The following DENND4C variants were observed in gnomAD, a reference collection of about 807,000 sequenced individuals.
The protein encoded by DENND4C is DENN domain-containing protein 4C.
A neutral mutation model predicts 203.0 loss-of-function variants in DENND4C; 108 were observed. The ratio of observed to expected loss-of-function variants is 0.53; its 90% CI spans 0.46 to 0.62. DENND4C has a LOEUF of 0.62. DENND4C is among the 20% of genes least tolerant of loss of function. The pLI, the probability that DENND4C is intolerant of heterozygous loss-of-function variation, is 0.00. For missense variants in DENND4C, 2,481 were observed against 2,301.2 expected (o/e 1.08, Z -1.60); for synonymous variants, 871 against 792.4 (o/e 1.10, Z -1.67).
chr9:19,286,206 C>T (rs1374740498), intron 2 of DENND4C, among the ~76,000 whole-genome samples: 1 of 152,036 alleles, frequency 6.6e-6, no homozygotes, highest in Non-Finnish European at 1.5e-5. Context: ...TTTCATTAAT[C>T]AAATTGAAGA....
At chr9:19,343,292 C>G (rs1822074805) in intron 22 of DENND4C, among the ~76,000 whole-genome samples, 1 of 152,180 alleles carries the variant, frequency 6.6e-6, no homozygotes, top group Non-Finnish European at 1.5e-5. Flanking sequence ...TACTAAATAA[C>G]TCTGTGTGTA....
At position 19,300,219 on chromosome 9, in the gene DENND4C, TG is replaced by T; in HGVS notation, c.1202del (p.Gly401ValfsTer28). 6.2e-7 allele frequency: 1 copy of T among 1,612,038 alleles called. No individual in the cohort carries two copies. Among genetic ancestry groups the T allele is most frequent in the Non-Finnish European group, 8.5e-7 (1 of 1,178,444 alleles). On this transcript the variant is annotated frameshift_variant, in exon 9 of 33. Transcript: ENST00000434457. LOFTEE classifies it high-confidence loss of function. Reference sequence around the variant, plus strand: ...AACTTTAGCACCTTGCTAATGAATCTGGGTCCTGAGAATTGTGCAACACTGC... The same window carrying T: ...AACTTTAGCACCTTGCTAATGAATCTGGTCCTGAGAATTGTGCAACACTGC... ...GANFSTLLMN[L>X]GPENCATLLL...
intron 29 of DENND4C, among the ~76,000 whole-genome samples, chr9:19,361,076 G>C (rs1288664501): frequency 6.6e-6 from 1 of 152,058 alleles, no homozygotes; most frequent in East Asian, 1.9e-4. Context: ...ATTTTACCAG[G>C]CTGGTTTGAA....
chr9:19,348,967 C>A (rs1389485374), intron 23 of DENND4C, among the ~76,000 whole-genome samples: 3 of 152,102 alleles, frequency 2.0e-5, no homozygotes, highest in Non-Finnish European at 4.4e-5. Context: ...CCCACCATGA[C>A]TGCTAATATT....
At chr9:19,288,226 C>T (rs2131123038) in intron 3 of DENND4C, among the ~76,000 whole-genome samples, 1 of 152,338 alleles carries the variant, frequency 6.6e-6, no homozygotes, top group Middle Eastern at 3.4e-3. Flanking sequence ...TTAGTGAAGA[C>T]AGGGTTGCCT....
intron 10 of DENND4C, among the ~76,000 whole-genome samples, chr9:19,313,216 C>CT (rs35967287): frequency 6.6e-6 from 1 of 151,946 alleles, no homozygotes; most frequent in Non-Finnish European, 1.5e-5. Flanking sequence ...ATATTTTACT[C>CT]TTTTTTTAAG....
chr9:19,312,746 G>T (rs1185765169), intron 10 of DENND4C, among the ~76,000 whole-genome samples: 1 of 152,104 alleles, frequency 6.6e-6, no homozygotes, highest in East Asian at 1.9e-4. Context: ...TGTTATGAGG[G>T]ACACTCAAGT....
chr9:19,298,716 T>C (rs906279291), intron 7 of DENND4C, among the ~76,000 whole-genome samples: 9 of 152,154 alleles, frequency 5.9e-5, no homozygotes, highest in African/African-American at 2.2e-4. Flanking sequence ...TTCTGGACCA[T>C]AACAATTAAC....
At chr9:19,286,649 T>G in intron 2 of DENND4C, 120 bp from the exon 3 acceptor site, 1 of 1,007,772 alleles carries the variant, frequency 9.9e-7, no homozygotes, top group Non-Finnish European at 1.3e-6. Flanking sequence ...ACCAAAAAAA[T>G]TTTCTTTGAT....
chr9:19,330,795 A>T (rs1262714549), intron 16 of DENND4C, among the ~76,000 whole-genome samples: 5 of 152,004 alleles, frequency 3.3e-5, no homozygotes, highest in Admixed American at 2.6e-4. Flanking sequence ...CACGTCTATA[A>T]TCCCAGCACT....
chr9:19,327,949 G>A, intron 15 of DENND4C, 81 bp from the exon 16 acceptor site: 1 of 1,330,652 alleles, frequency 7.5e-7, no homozygotes, highest in Admixed American at 2.5e-5. Context: ...TTGAAGTTTA[G>A]AAATATTTGC....
chr9:19,322,731 CAAAAA>C (rs35416492), intron 12 of DENND4C, among the ~76,000 whole-genome samples: 3 of 65,560 alleles, frequency 4.6e-5, no homozygotes, highest in African/African-American at 1.4e-4. Flanking sequence ...GACTTCATCT[CAAAAA>C]AAAAAAAAAA....
chr9:19,289,696 G>T (rs889076375), intron 4 of DENND4C, among the ~76,000 whole-genome samples: 1 of 151,964 alleles, frequency 6.6e-6, no homozygotes, highest in African/African-American at 2.4e-5. Context: ...AGGCGTGGTG[G>T]CACGCATCTG....
intron 1 of DENND4C, among the ~76,000 whole-genome samples, chr9:19,264,670 A>G (rs1027664895): frequency 2.6e-5 from 4 of 151,938 alleles, no homozygotes; most frequent in African/African-American, 4.8e-5. Flanking sequence ...CTCTGATCTT[A>G]TTTATTTGAG....
chr9:19,359,519 G>T (rs1826029525), intron 28 of DENND4C, among the ~76,000 whole-genome samples: 1 of 151,720 alleles, frequency 6.6e-6, no homozygotes, highest in Admixed American at 6.6e-5. Flanking sequence ...TTTTTAAAAA[G>T]CTTTCTTGCT....
At chr9:19,318,916 C>T (rs571553196) in intron 12 of DENND4C, among the ~76,000 whole-genome samples, 1 of 152,078 alleles carries the variant, frequency 6.6e-6, no homozygotes, top group African/African-American at 2.4e-5. Flanking sequence ...TGCCTGTAAT[C>T]CCAGCACTTT....
intron 2 of DENND4C, 96 bp from the exon 3 acceptor site, chr9:19,286,673 C>T (rs957523001): frequency 8.8e-7 from 1 of 1,136,694 alleles, no homozygotes; most frequent in Non-Finnish European, 1.1e-6. Flanking sequence ...AAGAAGAAAA[C>T]CAGCATTAAC....
At chr9:19,325,828 CAG>C in intron 13 of DENND4C, 109 bp from the exon 14 acceptor site, 1 of 956,870 alleles carries the variant, frequency 1.0e-6, no homozygotes, top group Non-Finnish European at 1.6e-6. Flanking sequence ...TGTTTTGTAT[CAG>C]CTGGTACTGA....
At chr9:19,300,597 A>G (rs1193744990) in intron 9 of DENND4C, among the ~76,000 whole-genome samples, 3 of 152,222 alleles carry the variant, frequency 2.0e-5, no homozygotes, top group Non-Finnish European at 4.4e-5. Flanking sequence ...AGTAAAAACT[A>G]TATGATTATA....
Sources: allele counts gnomAD v4.1 joint callset (sites outside exome capture counted in the v4.1 genomes callset), GRCh38; gene constraint gnomAD v4.1.1; transcripts MANE v1.5; gene names NCBI Gene and HGNC (gene_info 2026-07-23, HGNC 2026-07-21).